Variants in KIAA1217 observed in about 807,000 individuals in gnomAD.
KIAA1217 encodes the protein KIAA1217, also known as sickle tail protein homolog.
Under a neutral mutation model 163.9 loss-of-function variants are expected in KIAA1217, and 88 were observed. That is an observed-to-expected ratio of 0.54 (90% confidence interval 0.45 to 0.64). The LOEUF (loss-of-function observed/expected upper bound fraction) is 0.64, where lower values mean the gene tolerates loss of function less well. Ranked by LOEUF, KIAA1217 falls within the 30% of genes least tolerant of loss-of-function variation. The pLI, the probability that KIAA1217 is intolerant of heterozygous loss-of-function variation, is 0.00. For synonymous variants in KIAA1217, 903 were observed against 923.1 expected (o/e 0.98, Z 0.39); for missense variants, 2,372 against 2,475.0 (o/e 0.96, Z 0.88).
At chr10:23,941,339 T>C (rs572902676) in intron 1 of KIAA1217, among the ~76,000 whole-genome samples, 1 of 152,318 alleles carries the variant, frequency 6.6e-6, no homozygotes, top group Admixed American at 6.5e-5. Context: ...AATCGTGTAA[T>C]GTAATAGCAA....
chr10:24,367,377 G>A (rs1245672833), intron 2 of KIAA1217, among the ~76,000 whole-genome samples: 1 of 152,142 alleles, frequency 6.6e-6, no homozygotes, highest in African/African-American at 2.4e-5. Context: ...TCTGAAATAT[G>A]TGCATTTCTA....
chr10:24,410,283 A>C (rs2057653113), intron 3 of KIAA1217, among the ~76,000 whole-genome samples: 1 of 152,198 alleles, frequency 6.6e-6, no homozygotes, highest in Non-Finnish European at 1.5e-5. Context: ...GGTGTGAGTC[A>C]CCATGCCTGG....
chr10:24,524,475 G>A lies in KIAA1217; in HGVS notation c.2609G>A (p.Gly870Asp), dbSNP rs1221904868. 6.2e-7 allele frequency: 1 copy of A among 1,614,172 alleles called. No individual in the cohort carries two copies. The highest frequency in any genetic ancestry group is 8.5e-7 in the Non-Finnish European group (1 of 1,180,034). ...GQPFHSTGAP[G>D]DAKSEVVPLS... ...CCCTTCCACAGCACAGGTGCCCCTG[G>A]CGATGCGAAGTCGGAAGTGGTGCCT... Residue 870 changes from glycine (G) to aspartate (D), a missense_variant, in exon 13 of 21, where the codon GGC (glycine) becomes GAC (aspartate). Gly to Asp is a moderately conservative substitution (Grantham distance 94). Coordinates refer to ENST00000376454, the MANE Select transcript of KIAA1217 (RefSeq NM_019590.5).
chr10:24,070,808 G>A (rs937052364), intron 2 of KIAA1217, among the ~76,000 whole-genome samples: 5 of 152,070 alleles, frequency 3.3e-5, no homozygotes, highest in Admixed American at 2.0e-4. Context: ...AAACTATTTA[G>A]AGAACACTAT....
At chr10:24,456,221 T>C (rs1439995076) in intron 5 of KIAA1217, among the ~76,000 whole-genome samples, 8 of 152,206 alleles carry the variant, frequency 5.3e-5, no homozygotes, top group African/African-American at 1.9e-4. Context: ...CTTTGAAATA[T>C]AATACAGTAT....
At chr10:24,281,153 C>T (rs905105211) in intron 2 of KIAA1217, among the ~76,000 whole-genome samples, 1 of 152,210 alleles carries the variant, frequency 6.6e-6, no homozygotes, top group African/African-American at 2.4e-5. Context: ...AGAGCTCCCA[C>T]ATACAATGTA....
chr10:24,209,373 A>G, intron 1 of KIAA1217, 110 bp downstream of exon 1: 1 of 798,154 alleles, frequency 1.3e-6, no homozygotes, highest in Non-Finnish European at 2.0e-6. Context: ...AAAAAAAAAA[A>G]AGGCAATTTC....
intron 1 of KIAA1217, among the ~76,000 whole-genome samples, chr10:23,793,226 T>C (rs909474356): frequency 6.6e-6 from 1 of 152,188 alleles, no homozygotes; most frequent in African/African-American, 2.4e-5. Context: ...TGTCTCACTG[T>C]GGTCACAAGG....
intron 2 of KIAA1217, among the ~76,000 whole-genome samples, chr10:24,101,215 A>C (rs1364804814): frequency 2.0e-5 from 3 of 152,224 alleles, no homozygotes; most frequent in African/African-American, 7.2e-5. Context: ...TGTTAACAGC[A>C]TACATTATTG....
At position 24,402,523 on chromosome 10, in the gene KIAA1217, C is replaced by CAAAAAAAAAAAAA. The variant is rs1173653514; in HGVS notation, c.553+21460_553+21461insAAAAAAAAAAAAA. Among the ~76,000 whole-genome samples the CAAAAAAAAAAAAA allele has an allele frequency of 1.7e-4, 12 of 71,030 alleles. 1 individual carries two copies. The highest frequency in any genetic ancestry group is 3.7e-4 in the African/African-American group (8 of 21,462). 46.6% of individuals were successfully genotyped at this position (71,030 alleles called of 152,430 possible). On this transcript the variant is annotated intron_variant, in intron 3 of 20. Transcript: ENST00000376454. ...GACTCCCTCTCAAAAAAACAAAAAACAAAACAAAAAAAAAAAAAAGGCAAA... is the reference window on the plus strand; with the variant it reads ...GACTCCCTCTCAAAAAAACAAAAAACAAAAAAAAAAAAAAAAACAAAAAAAAAAAAAAGGCAAA...
At chr10:24,037,639 A>C (rs952608572) in intron 2 of KIAA1217, among the ~76,000 whole-genome samples, 2 of 152,186 alleles carry the variant, frequency 1.3e-5, no homozygotes, top group Non-Finnish European at 2.9e-5. Flanking sequence ...CAGGAGACAG[A>C]TTGTCTATTC....
intron 1 of KIAA1217, among the ~76,000 whole-genome samples, chr10:23,898,893 A>G (rs7081769): frequency 0.24 from 36,086 of 152,024 alleles, 4,387 homozygotes; most frequent in Middle Eastern, 0.33. Context: ...CATCTATGTT[A>G]TATCATGTCA....
intron 2 of KIAA1217, among the ~76,000 whole-genome samples, chr10:24,272,985 T>C (rs566355590): frequency 2.0e-5 from 3 of 152,348 alleles, no homozygotes; most frequent in East Asian, 3.9e-4. Flanking sequence ...GGGACTCTCA[T>C]TGCGTAAAAG....
At chr10:23,726,312 T>C (rs1421159646) in intron 1 of KIAA1217, among the ~76,000 whole-genome samples, 1 of 151,510 alleles carries the variant, frequency 6.6e-6, no homozygotes, top group Non-Finnish European at 1.5e-5. Flanking sequence ...TGGTTTTTTT[T>C]TTTTTAGACA....
chr10:24,389,559 A>T (rs145050645), intron 3 of KIAA1217, among the ~76,000 whole-genome samples: 11 of 151,938 alleles, frequency 7.2e-5, no homozygotes, highest in Admixed American at 5.9e-4. Context: ...ATAAAAAAAA[A>T]AAAGAAAGAA....
rs116901343 is a variant in KIAA1217 at position 24,312,144 on chromosome 10, C to G, written c.355-68725C>G. Among the ~76,000 whole-genome samples the G allele has an allele frequency of 8.3e-3, 1,259 of 152,274 alleles. 4 individuals carry two copies. Among genetic ancestry groups the G allele is most frequent in the Non-Finnish European group, 0.012 (850 of 68,010 alleles). ...GCCACTCACACCCGAGATGCCTGCT[C>G]TCTCCCTGAGCCTTTCAGCACAAGG... On this transcript the variant is annotated intron_variant, in intron 2 of 20. Transcript: ENST00000376454.
chr10:23,700,643 C>T (rs1836384837), intron 1 of KIAA1217, among the ~76,000 whole-genome samples: 1 of 152,238 alleles, frequency 6.6e-6, no homozygotes, highest in Non-Finnish European at 1.5e-5. Flanking sequence ...TAACACACCA[C>T]ACTTGCTGTC....
In KIAA1217 at chr10:24,219,615, T is replaced by G. The variant is rs1196610535; in HGVS notation, c.71-11T>G. ...ATCATTAATTGTGAACCGAATTTTT[T>G]TGTCTTTCAGAACAAGGCAAAGGCA... On this transcript the variant is annotated splice_polypyrimidine_tract_variant and intron_variant, in intron 1 of 20. Coordinates refer to ENST00000376454, the MANE Select transcript of KIAA1217 (RefSeq NM_019590.5). The G allele has an allele frequency of 4.5e-6, 7 of 1,562,046 alleles. No homozygotes were observed. In the Admixed American group the frequency reaches 1.3e-4, roughly 30 times the overall value.
intron 2 of KIAA1217, among the ~76,000 whole-genome samples, chr10:24,259,789 C>T (rs3750870): frequency 0.28 from 42,555 of 152,046 alleles, 6,486 homozygotes; most frequent in Non-Finnish European, 0.35. Context: ...GATCACTCCT[C>T]TCAGTCCTTC....
Sources: allele counts gnomAD v4.1 joint callset (sites outside exome capture counted in the v4.1 genomes callset), GRCh38; gene constraint gnomAD v4.1.1; transcripts MANE v1.5; gene names NCBI Gene and HGNC (gene_info 2026-07-23, HGNC 2026-07-21).